ANAPC4: variants seen among roughly 807,000 people sequenced by gnomAD.
ANAPC4 encodes anaphase-promoting complex subunit 4.
ANAPC4 carries 63 observed loss-of-function variants against 119.8 expected under a neutral mutation model. The observed-to-expected ratio is 0.53, with a 90% CI of 0.43 to 0.65. The LOEUF (loss-of-function observed/expected upper bound fraction) is 0.65. Among genes scored for constraint, ANAPC4 ranks in the 30% least tolerant of loss-of-function variants. ANAPC4 has a pLI of 0.00. For synonymous variants in ANAPC4, 283 were observed against 318.6 expected (o/e 0.89, Z 1.19); for missense variants, 716 against 945.1 (o/e 0.76, Z 3.18).
At position 25,418,378 on chromosome 4, in the gene ANAPC4, C is replaced by T. The variant is rs1188355683; in HGVS notation, c.2423C>T (p.Ser808Phe). Reference protein sequence around the residue: ...KVEKLDPELDS With the variant: ...KVEKLDPELDF ...GAAAAACTTGACCCTGAGCTAGACT[C>T]CTAATCTAGCTTGCCATTATTGTGT... is the stretch of plus-strand genomic sequence containing the variant. Residue 808 changes from serine (S) to phenylalanine (F), a missense_variant, in exon 29 of 29, where the codon TCC becomes TTC. Transcript: ENST00000315368. 6.2e-7 allele frequency: 1 copy of T among 1,613,246 alleles called. No homozygotes were observed. The highest frequency in any genetic ancestry group is 8.5e-7 in the Non-Finnish European group (1 of 1,179,352).
At chr4:25,403,665 T>A (rs1296363389) in intron 17 of ANAPC4, among the ~76,000 whole-genome samples, 1 of 152,210 alleles carries the variant, frequency 6.6e-6, no homozygotes. Context: ...GCTATTTAAG[T>A]GGATTGAAAT....
chr4:25,394,032 A>G (rs1454044187), intron 11 of ANAPC4, 141 bp downstream of exon 11: 8 of 757,396 alleles, frequency 1.1e-5, no homozygotes, highest in Middle Eastern at 2.4e-4. Context: ...TCTGACTTCA[A>G]ACTGCTTCCT....
intron 27 of ANAPC4, 186 bp from the exon 28 acceptor site, chr4:25,417,430 A>T: frequency 1.8e-6 from 1 of 559,960 alleles, no homozygotes; most frequent in East Asian, 3.7e-5. Flanking sequence ...CAGAATATAG[A>T]ATATGGAATT....
intron 26 of ANAPC4, 103 bp from the exon 27 acceptor site, chr4:25,416,322 A>C (rs764976257): frequency 3.1e-6 from 2 of 639,808 alleles, no homozygotes; most frequent in Non-Finnish European, 4.8e-6. Flanking sequence ...AATGTCACTT[A>C]ACTTTTAAAT....
chr4:25,405,086 G>A lies in ANAPC4; in HGVS notation c.1271-487G>A, dbSNP rs148327298. Among the ~76,000 whole-genome samples the A allele has an allele frequency of 2.6e-5, 4 of 151,404 alleles. No homozygotes were observed. The highest frequency in any genetic ancestry group is 9.7e-5 in the African/African-American group (4 of 41,212). On this transcript the variant is annotated intron_variant, in intron 17 of 28. Transcript: ENST00000315368. The surrounding 1 kb of genome is among the most constrained non-coding windows in gnomAD (Gnocchi z 4.6). ...ACATAGTACTGATGAGGACAATCCT[G>A]TGAAAGGACGGAGAGAGTCAACCAC...
chr4:25,394,853 A>G lies in ANAPC4; in HGVS notation c.1009A>G (p.Ile337Val). 2 of 1,613,612 alleles carry G rather than the reference A, an allele frequency of 1.2e-6. No homozygotes were observed. The highest frequency in any genetic ancestry group is 1.7e-4 in the Middle Eastern group (1 of 6,060). Residue 337 changes from isoleucine (I) to valine (V), a missense_variant, in exon 14 of 29, where the codon ATA (isoleucine) becomes GTA (valine). Coordinates refer to ENST00000315368, the MANE Select transcript of ANAPC4 (RefSeq NM_013367.3). Reference protein sequence around the residue: ...VKGLKKLGQSIESSYSSIQKL... With the variant: ...VKGLKKLGQSVESSYSSIQKL... ...GGGCTTGAAAAAGCTTGGCCAGTCT[A>G]TAGAGTCATCATACTCCAGTATACA...
At position 25,394,277 on chromosome 4, in the gene ANAPC4, A is replaced by G. The variant is rs567593361; in HGVS notation, c.877-33A>G. 3.3e-6 allele frequency: 5 copies of G among 1,535,628 alleles called. No individual in the cohort carries two copies. The South Asian group carries it at 3.7e-5, about 11-fold the overall frequency. On this transcript the variant is annotated intron_variant, in intron 11 of 28. Coordinates refer to ENST00000315368, the MANE Select transcript of ANAPC4 (RefSeq NM_013367.3). ...AATATGCTTATAATTTAAGAAATAC[A>G]TATATCACAATTTTTTTTTCACTTT...
intron 20 of ANAPC4, 121 bp from the exon 21 acceptor site, chr4:25,409,577 A>T: frequency 1.5e-6 from 1 of 647,688 alleles, no homozygotes; most frequent in Non-Finnish European, 2.6e-6. Context: ...AAATAAACCG[A>T]TTTTAGGCCC....
In ANAPC4 at chr4:25,380,739, A is replaced by G. The variant is rs150577721; in HGVS notation, c.235+260A>G. On this transcript the variant is annotated intron_variant, in intron 3 of 28. Coordinates refer to ENST00000315368, the MANE Select transcript of ANAPC4 (RefSeq NM_013367.3). ...ACTCCGAAGTGAAATCTGATGGAAT[A>G]TACAAAATGTTTTGGTTTTGTTCTT... 168 of 301,094 alleles carry G rather than the reference A, an allele frequency of 5.6e-4. 4 individuals carry two copies. The East Asian group carries it at 9.8e-3, about 18-fold the overall frequency. The allele number at this position is 301,094 out of a possible 1,614,324, so 18.7% of individuals were successfully genotyped here. A position where few individuals can be genotyped will look rare whatever the true frequency, so the allele number is the denominator to read the frequency against.
At chr4:25,393,749 A>G in intron 10 of ANAPC4, 56 bp from the exon 11 acceptor site, 1 of 1,056,824 alleles carries the variant, frequency 9.5e-7, no homozygotes, top group Non-Finnish European at 1.4e-6. Flanking sequence ...TATTATTTAG[A>G]TAGCAAGTTG....
At chr4:25,406,532 G>A (rs903360531) in intron 18 of ANAPC4, among the ~76,000 whole-genome samples, 2 of 152,184 alleles carry the variant, frequency 1.3e-5, no homozygotes, top group Non-Finnish European at 2.9e-5. Context: ...AGGGACCTCA[G>A]CACATGTGGT....
intron 14 of ANAPC4, 98 bp from the exon 15 acceptor site, chr4:25,396,566 A>G: frequency 1.1e-6 from 1 of 877,526 alleles, no homozygotes; most frequent in Non-Finnish European, 1.7e-6. Context: ...AATGAAAGTT[A>G]CTTTCAGTTT....
chr4:25,390,055 T>G (rs1722257002), intron 7 of ANAPC4, 81 bp from the exon 8 acceptor site: 1 of 973,450 alleles, frequency 1.0e-6, no homozygotes, highest in South Asian at 1.5e-5. Context: ...ATGAAAGCAG[T>G]AATAATTTAT....
rs1033153908 is a variant in ANAPC4 at position 25,405,349 on chromosome 4, ATAGTT to A, written c.1271-220_1271-216del. On this transcript the variant is annotated intron_variant, in intron 17 of 28. Transcript: ENST00000315368. This position sits in a 1 kb window ranked among gnomAD's most constrained non-coding sequence, Gnocchi z 4.6. ...CAGGTGGAATTGAAGAGGAAAAAGAATAGTTTAGAATGGTTAGACCAACAATTTTG... is the reference window on the plus strand; with the variant it reads ...CAGGTGGAATTGAAGAGGAAAAAGAATAGAATGGTTAGACCAACAATTTTG... Among the ~76,000 whole-genome samples, 2 of 152,112 alleles carry A rather than the reference ATAGTT, an allele frequency of 1.3e-5. No homozygotes were observed. The highest frequency in any genetic ancestry group is 2.9e-5 in the Non-Finnish European group (2 of 68,016).
At chr4:25,394,790 C>G in intron 13 of ANAPC4, 39 bp from the exon 14 acceptor site, 1 of 1,595,264 alleles carries the variant, frequency 6.3e-7, no homozygotes, top group Non-Finnish European at 8.6e-7. Flanking sequence ...CATATAATAT[C>G]CTGATTGTAT....
At chr4:25,395,414 T>G (rs28658549) in intron 14 of ANAPC4, 65,400 of 151,714 alleles carry the variant, frequency 0.43, 15,627 homozygotes, top group Non-Finnish European at 0.53. Context: ...CATTGAAGCA[T>G]TTTACAAGTG....
intron 3 of ANAPC4, among the ~76,000 whole-genome samples, chr4:25,382,150 T>C (rs747120746): frequency 4.6e-5 from 7 of 152,248 alleles, no homozygotes; most frequent in Non-Finnish European, 7.3e-5. Context: ...CCCATGTCAG[T>C]GTGGATAGAT....
chr4:25,401,462 A>G (rs554590063), intron 16 of ANAPC4, among the ~76,000 whole-genome samples: 1 of 152,294 alleles, frequency 6.6e-6, no homozygotes, highest in Admixed American at 6.5e-5. Flanking sequence ...TTTGGAGGAA[A>G]GAACGTATTG....
In ANAPC4 at chr4:25,416,431, C is replaced by T; in HGVS notation, c.1908C>T (p.Tyr636=). 1 of 1,528,972 alleles carries T rather than the reference C, an allele frequency of 6.5e-7. No individual in the cohort carries two copies. 94.7% of individuals were successfully genotyped at this position (1,528,972 alleles called of 1,614,324 possible). Residue 636 remains tyrosine (Y), a synonymous_variant, in exon 27 of 29, where the codon TAC becomes TAT. Coordinates refer to ENST00000315368, the MANE Select transcript of ANAPC4 (RefSeq NM_013367.3). ...AAACTTATTTTAATTCTAGCATCTACAGTTGTTTAGATGCACAGTTTTATG... is the reference window on the plus strand; with the variant it reads ...AAACTTATTTTAATTCTAGCATCTATAGTTGTTTAGATGCACAGTTTTATG... ...ATTEKVRRSI[Y]SCLDAQFYDD...
Sources: allele counts gnomAD v4.1 joint callset (sites outside exome capture counted in the v4.1 genomes callset), GRCh38; gene constraint gnomAD v4.1.1; non-coding constraint Gnocchi (gnomAD v3.1); transcripts MANE v1.5; gene names NCBI Gene and HGNC (gene_info 2026-07-23, HGNC 2026-07-21).